Variants in ZNF559 observed in about 807,000 individuals in gnomAD.
ZNF559 encodes the protein putative protein product of Nbla00121.
A neutral mutation model predicts 14.2 loss-of-function variants in ZNF559; 17 were observed. That is an observed-to-expected ratio of 1.20 (90% CI 0.82 to 1.80). The LOEUF (loss-of-function observed/expected upper bound fraction) is 1.80. ZNF559 is among the 40% of genes most tolerant of loss of function. The probability of loss-of-function intolerance (pLI) is 0.00; values close to 1 mark genes in which losing one functional copy is unlikely to be tolerated. For missense variants in ZNF559, 740 were observed against 629.7 expected (o/e 1.18, Z -1.88); for synonymous variants, 244 against 212.4 (o/e 1.15, Z -1.29).
intron 2 of ZNF559, among the ~76,000 whole-genome samples, chr19:9,327,575 A>G (rs2066687991): frequency 6.6e-6 from 1 of 152,134 alleles, no homozygotes; most frequent in African/African-American, 2.4e-5. Flanking sequence ...AACATCACTC[A>G]GTCATCTTCT....
intron 2 of ZNF559, among the ~76,000 whole-genome samples, chr19:9,330,846 TTTCTTCTTGA>T (rs1254906789): frequency 3.9e-5 from 6 of 152,216 alleles, no homozygotes; most frequent in African/African-American, 1.4e-4. Context: ...TGTGTCATAG[TTTCTTCTTGA>T]TTCTTCATGC....
chr19:9,334,279 A>G (rs1330577219), intron 2 of ZNF559, among the ~76,000 whole-genome samples: 2 of 152,230 alleles, frequency 1.3e-5, no homozygotes, highest in South Asian at 2.1e-4. Context: ...GAATATTTGC[A>G]TTATACTTCA....
Position 9,341,793 on chromosome 19 carries a change from TAGAA to T in ZNF559, c.348_351del (p.Lys117ProfsTer87), listed in dbSNP as rs760436198. 4 of 1,608,646 alleles carry T rather than the reference TAGAA, an allele frequency of 2.5e-6. No individual in the cohort carries two copies. The highest frequency in any genetic ancestry group is 3.4e-6 in the Non-Finnish European group (4 of 1,178,638). The stretch of plus-strand genomic sequence containing the variant: ...TTAAGACTCACAGGAGAACTTACTT[TAGAA>T]AGAAAACCTGTGAGTGTAATCAATG... On this transcript the variant is annotated frameshift_variant, in exon 7 of 7. Coordinates refer to ENST00000603380, the MANE Select transcript of ZNF559 (RefSeq NM_032497.3). LOFTEE classifies it low-confidence loss of function (END_TRUNC).
rs1304369645 is a variant in ZNF559 at position 9,324,223 on chromosome 19, T to G, written c.-211T>G. ...TCTTAACAGCGCGTTCCCGTTGGCG[T>G]CTGAGGTAAGTTTTTGTTTCTGGGC... On this transcript the variant is annotated 5_prime_UTR_variant, in exon 1 of 7. Coordinates refer to ENST00000603380, the MANE Select transcript of ZNF559 (RefSeq NM_032497.3). 2.1e-5 allele frequency: 32 copies of G among 1,535,870 alleles called. No individual in the cohort carries two copies. The highest frequency in any genetic ancestry group is 2.7e-5 in the Non-Finnish European group (31 of 1,146,870).
At chr19:9,339,163 C>G (rs756390608) in intron 4 of ZNF559, 30 bp from the exon 5 acceptor site, 2 of 1,612,388 alleles carry the variant, frequency 1.2e-6, no homozygotes, top group Admixed American at 3.3e-5. Flanking sequence ...AACGTACTTG[C>G]CTGACGCCAG....
At chr19:9,338,167 C>T (rs926733747) in intron 3 of ZNF559, 4 of 747,642 alleles carry the variant, frequency 5.4e-6, no homozygotes, top group Non-Finnish European at 8.9e-6. Context: ...GGTCTAAATC[C>T]TGGGATTTGG....
At position 9,343,721 on chromosome 19, in the gene ZNF559, A is replaced by C. The variant is rs2067671614; in HGVS notation, c.*653A>C. The C allele has an allele frequency of 1.0e-6, 1 of 986,150 alleles. No individual in the cohort carries two copies. Among genetic ancestry groups the C allele is most frequent in the Non-Finnish European group, 1.2e-6 (1 of 830,538 alleles). The allele number at this position is 986,150 out of a possible 1,614,324, so 61.1% of individuals were successfully genotyped here. On this transcript the variant is annotated 3_prime_UTR_variant, in exon 7 of 7. Transcript: ENST00000603380. ...GGAACCTGACTGTATGGAAGGTCAA[A>C]AAGGCTGTATTAATTTACATGCAAA...
At chr19:9,338,694 C>T (rs2067373972) in intron 4 of ZNF559, 112 bp downstream of exon 4, 1 of 764,522 alleles carries the variant, frequency 1.3e-6, no homozygotes, top group East Asian at 2.6e-5. Context: ...TGCTTAGGGA[C>T]CACATCTCTC....
intron 2 of ZNF559, among the ~76,000 whole-genome samples, chr19:9,337,438 G>T (rs532663140): frequency 6.6e-6 from 1 of 152,302 alleles, no homozygotes; most frequent in East Asian, 1.9e-4. Context: ...TCAAGAGAGT[G>T]CAGGGTTTGG....
Position 9,342,682 on chromosome 19 carries a change from T to G in ZNF559, c.1231T>G (p.Cys411Gly), listed in dbSNP as rs2067638029. 4.3e-6 allele frequency: 7 copies of G among 1,614,092 alleles called. No individual in the cohort carries two copies. Among genetic ancestry groups the G allele is most frequent in the Non-Finnish European group, 5.9e-6 (7 of 1,180,046 alleles). Reference sequence around the variant, plus strand: ...TCATCCTGGTGTAAAACCCTATGACTGTCAACAGTGTGGGAAAGCCTTCAT... The same window carrying G: ...TCATCCTGGTGTAAAACCCTATGACGGTCAACAGTGTGGGAAAGCCTTCAT... Reference protein sequence around the residue: ...QTHPGVKPYDCQQCGKAFIRS... With the variant: ...QTHPGVKPYDGQQCGKAFIRS... Residue 411 changes from cysteine to glycine, a missense_variant, in exon 7 of 7, where the codon TGT becomes GGT. By Grantham distance (159) the Cys-to-Gly change is radical. Transcript: ENST00000603380.
Position 9,344,754 on chromosome 19 carries a change from T to C in ZNF559, c.*1686T>C, listed in dbSNP as rs146660057. 16 of 152,378 alleles carry C rather than the reference T, an allele frequency of 1.1e-4. No homozygotes were observed. In the East Asian group the frequency reaches 2.9e-3, roughly 27 times the overall value. The allele number at this position is 152,378 out of a possible 1,614,324, so 9.4% of individuals were successfully genotyped here. On this transcript the variant is annotated 3_prime_UTR_variant, in exon 7 of 7. Coordinates refer to ENST00000603380, the MANE Select transcript of ZNF559 (RefSeq NM_032497.3). ...AATGATATTGAACATCACTTTCATA[T>C]GCTTATGAGTCTTTGGTGAAGTGTA... is the stretch of plus-strand genomic sequence containing the variant.
chr19:9,342,979 C>T lies in ZNF559; in HGVS notation c.1528C>T (p.Arg510Ter), dbSNP rs147456906. The T allele has an allele frequency of 5.1e-4, 823 of 1,614,134 alleles. 6 individuals are homozygous for T. The East Asian group carries it at 0.015, about 30-fold the overall frequency. ...CTTTACTCGGTCCACATATCTTATT[C>T]GACATCTAAGAAGTCATAGTGTGGA... ...KAFTRSTYLI[R>*]HLRSHSVEKP... Residue 510 changes from arginine to a stop codon, truncating the protein, a stop_gained, in exon 7 of 7, where the codon CGA becomes TGA. Coordinates refer to ENST00000603380, the MANE Select transcript of ZNF559 (RefSeq NM_032497.3). LOFTEE classifies it low-confidence loss of function (END_TRUNC).
chr19:9,342,147 G>A lies in ZNF559; in HGVS notation c.696G>A (p.Met232Ile). ...FSHSTALFVHMQTQDGEKFYE... is the reference protein window; with the variant it reads ...FSHSTALFVHIQTQDGEKFYE... ...ATTCTACAGCCCTTTTTGTACACAT[G>A]CAAACTCAAGATGGAGAAAAATTCT... is the stretch of plus-strand genomic sequence containing the variant. The change falls in exon 7 of 7, where the codon ATG becomes ATA. Residue 232 changes from methionine to isoleucine, a missense_variant. Met to Ile is a conservative substitution (Grantham distance 10). Coordinates refer to ENST00000603380, the MANE Select transcript of ZNF559 (RefSeq NM_032497.3). 5.6e-6 allele frequency: 9 copies of A among 1,613,204 alleles called. No homozygotes were observed. The highest frequency in any genetic ancestry group is 7.6e-6 in the Non-Finnish European group (9 of 1,179,774).
rs767797678 is a variant in ZNF559 at position 9,342,685 on chromosome 19, C to T, written c.1234C>T (p.Gln412Ter). ...TCCTGGTGTAAAACCCTATGACTGT[C>T]AACAGTGTGGGAAAGCCTTCATTCG... ...THPGVKPYDC[Q>*]QCGKAFIRSS... is the part of the protein sequence containing the mutation. The change falls in exon 7 of 7, where the codon CAA (glutamine) becomes TAA (stop). Residue 412 changes from glutamine to a stop codon, truncating the protein, a stop_gained. Coordinates refer to ENST00000603380, the MANE Select transcript of ZNF559 (RefSeq NM_032497.3). LOFTEE classifies it low-confidence loss of function (END_TRUNC). 2 of 1,613,984 alleles carry T rather than the reference C, an allele frequency of 1.2e-6. No individual in the cohort carries two copies. Among genetic ancestry groups the T allele is most frequent in the Non-Finnish European group, 1.7e-6 (2 of 1,179,982 alleles).
chr19:9,324,154 G>A (rs2066429831), upstream of ZNF559: 2 of 1,535,988 alleles, frequency 1.3e-6, no homozygotes, highest in Middle Eastern at 1.7e-4. Flanking sequence ...GCCTTTGCGC[G>A]TGCGCGGCGT....
In ZNF559 at chr19:9,338,569, C is replaced by T. The variant is rs1385702648; in HGVS notation, c.20C>T (p.Thr7Ile). The change falls in exon 4 of 7, where the codon ACA becomes ATA. Residue 7 changes from threonine (T) to isoleucine (I), a missense_variant. Thr to Ile is a moderately conservative substitution (Grantham distance 89, BLOSUM62 -1). Transcript: ENST00000603380. The stretch of plus-strand genomic sequence containing the variant: ...GAAAGGATGGTGGCTGGGTGGTTGA[C>T]AAATTACTCTCAGGTAAGTAGGAAA... MVAGWL[T>I]NYSQDSVTFE... 1.2e-6 allele frequency: 2 copies of T among 1,613,444 alleles called. No homozygotes were observed. The highest frequency in any genetic ancestry group is 2.7e-5 in the African/African-American group (2 of 74,910).
intron 2 of ZNF559, among the ~76,000 whole-genome samples, chr19:9,335,651 C>G (rs550465770): frequency 6.6e-6 from 1 of 152,160 alleles, no homozygotes; most frequent in Admixed American, 6.5e-5. Flanking sequence ...AGGCTCAAGC[C>G]ACCTTCCCAC....
In ZNF559 at chr19:9,342,690, G is replaced by T; in HGVS notation, c.1239G>T (p.Gln413His). 1 of 1,614,044 alleles carries T rather than the reference G, an allele frequency of 6.2e-7. No homozygotes were observed. Among genetic ancestry groups the T allele is most frequent in the African/African-American group, 1.3e-5 (1 of 74,988 alleles). ...HPGVKPYDCQ[Q>H]CGKAFIRSSF... ...GTGTAAAACCCTATGACTGTCAACAGTGTGGGAAAGCCTTCATTCGATCCT... is the reference window on the plus strand; with the variant it reads ...GTGTAAAACCCTATGACTGTCAACATTGTGGGAAAGCCTTCATTCGATCCT... Residue 413 changes from glutamine to histidine, a missense_variant, in exon 7 of 7, where the codon CAG becomes CAT. Physicochemically the swap from Gln to His is conservative, Grantham distance 24. Transcript: ENST00000603380.
In ZNF559 at chr19:9,324,750, C is replaced by T. The variant is rs1401843199; in HGVS notation, c.-150C>T. The T allele has an allele frequency of 2.6e-6, 4 of 1,535,840 alleles. No homozygotes were observed. The highest frequency in any genetic ancestry group is 3.5e-6 in the Non-Finnish European group (4 of 1,146,888). On this transcript the variant is annotated 5_prime_UTR_variant, in exon 2 of 7. Transcript: ENST00000603380. ...GACCTTCGCTTGGTGTCCTCCTGGC[C>T]TCAGCAACCTGACAATTCTGTCGTG...
Sources: allele counts gnomAD v4.1 joint callset (sites outside exome capture counted in the v4.1 genomes callset), GRCh38; gene constraint gnomAD v4.1.1; transcripts MANE v1.5; gene names NCBI Gene and HGNC (gene_info 2026-07-23, HGNC 2026-07-21).